Variants in UBR4 observed in about 807,000 individuals in gnomAD.
UBR4 encodes the protein ubiquitin protein ligase E3 component n-recognin 4.
Under a neutral mutation model 575.6 loss-of-function variants are expected in UBR4, and 124 were observed. The ratio of observed to expected loss-of-function variants is 0.22; its 90% CI spans 0.19 to 0.25. UBR4 has a LOEUF of 0.25. Ranked by LOEUF, UBR4 falls within the 10% of genes least tolerant of loss-of-function variation. The pLI, the probability that UBR4 is intolerant of heterozygous loss-of-function variation, is 1.00. For missense variants in UBR4, 4,818 were observed against 6,478.8 expected, an observed-to-expected ratio of 0.74 and a Z score of 8.80; for synonymous variants, 2,455 against 2,473.7, an observed-to-expected ratio of 0.99 and a Z score of 0.22.
At position 19,162,021 on chromosome 1, in the gene UBR4, T is replaced by C. The variant is rs551789516; in HGVS notation, c.4957-124A>G. 1.3e-5 allele frequency: 14 copies of C among 1,089,534 alleles called. No individual in the cohort carries two copies. In the East Asian group the frequency reaches 2.6e-4, roughly 20 times the overall value. 67.5% of individuals were successfully genotyped at this position (1,089,534 alleles called of 1,614,324 possible). A position where few individuals can be genotyped will look rare whatever the true frequency, so the allele number is the denominator to read the frequency against. ...TTGACTCGCAAATGACCCGTGGAAA[T>C]CTACCACAACTGGAAATAGCTAGCT... On this transcript the variant is annotated intron_variant, in intron 35 of 105. Coordinates refer to ENST00000375254, the MANE Select transcript of UBR4 (RefSeq NM_020765.3).
At position 19,094,106 on chromosome 1, in the gene UBR4, G is replaced by A; in HGVS notation, c.13780C>T (p.Leu4594=). ...TTGATCTGGTCCAAGAGCATCACCA[G>A]TTGATCCTTGTCACCTGTCAGGAGG... ...NLLLTGDKDQ[L]VMLLDQINST... The change falls in exon 95 of 106, where the codon CTG becomes TTG. Residue 4594 remains leucine, a synonymous_variant. Transcript: ENST00000375254. The A allele has an allele frequency of 6.2e-7, 1 of 1,613,952 alleles. No individual in the cohort carries two copies. Among genetic ancestry groups the A allele is most frequent in the South Asian group, 1.1e-5 (1 of 90,998 alleles).
chr1:19,168,259 T>C (rs891781395), intron 27 of UBR4, 75 bp from the exon 28 acceptor site: 1 of 1,376,634 alleles, frequency 7.3e-7, no homozygotes, highest in Non-Finnish European at 9.8e-7. Flanking sequence ...AAAAAAAAAC[T>C]GACATAAACT....
chr1:19,099,897 C>A lies in UBR4; in HGVS notation c.13222-220G>T, dbSNP rs368273867. On this transcript the variant is annotated intron_variant, in intron 89 of 105. Coordinates refer to ENST00000375254, the MANE Select transcript of UBR4 (RefSeq NM_020765.3). ...CTAACGTCCCTAACCCACACACAGGCTCCAGCTTAGACACACCCACCGGGG... is the reference window on the plus strand; with the variant it reads ...CTAACGTCCCTAACCCACACACAGGATCCAGCTTAGACACACCCACCGGGG... Among the ~76,000 whole-genome samples the A allele has an allele frequency of 5.3e-5, 8 of 152,244 alleles. No individual in the cohort carries two copies. In the East Asian group the frequency reaches 9.6e-4, roughly 18 times the overall value.
At chr1:19,116,301 A>G (rs1018891257) in intron 73 of UBR4, among the ~76,000 whole-genome samples, 1 of 152,220 alleles carries the variant, frequency 6.6e-6, no homozygotes, top group Non-Finnish European at 1.5e-5. Flanking sequence ...CAGAGCTGGG[A>G]TCTGAACCCA....
At chr1:19,116,109 A>G (rs2080496294) in intron 73 of UBR4, among the ~76,000 whole-genome samples, 1 of 152,218 alleles carries the variant, frequency 6.6e-6, no homozygotes, top group African/African-American at 2.4e-5. Flanking sequence ...TTTTGGGGTG[A>G]TTATATAACA....
At position 19,153,357 on chromosome 1, in the gene UBR4, G is replaced by A. The variant is rs1364329550; in HGVS notation, c.6776C>T (p.Pro2259Leu). 1 of 1,614,016 alleles carries A rather than the reference G, an allele frequency of 6.2e-7. No homozygotes were observed. The highest frequency in any genetic ancestry group is 8.5e-7 in the Non-Finnish European group (1 of 1,180,018). ...TSYWLQPSLQ[P>L]SSVISIMKPV... ...CTTCATGATGCTGATGACACTGCTG[G>A]GCTGCAGGGATGGCTGCAGCCAGTA... The change falls in exon 46 of 106, where the codon CCC becomes CTC. Residue 2259 changes from proline (P) to leucine (L), a missense_variant. Pro to Leu is a moderately conservative substitution (Grantham distance 98). Transcript: ENST00000375254. The surrounding 1 kb of genome is among the most constrained non-coding windows in gnomAD (Gnocchi z 4.1).
At chr1:19,175,090 G>A (rs550333353) in intron 20 of UBR4, 57 bp from the exon 21 acceptor site, 2 of 1,459,290 alleles carry the variant, frequency 1.4e-6, no homozygotes, top group South Asian at 2.4e-5. Flanking sequence ...TATCTGACTA[G>A]TATGCAATGT....
rs141794914 is a variant in UBR4, at chr1:19,154,955, G to C, written c.6421C>G (p.Leu2141Val). ...SFAATISRTT[L>V]EVLQLFPINI... Reference sequence around the variant, plus strand: ...ATGGGGAAGAGTTGCAACACCTCCAGGGTTGTCCTGCTGATGGTGGCTGCG... The same window carrying C: ...ATGGGGAAGAGTTGCAACACCTCCACGGTTGTCCTGCTGATGGTGGCTGCG... The change falls in exon 44 of 106, where the codon CTG becomes GTG. Residue 2141 changes from leucine to valine, a missense_variant. By Grantham distance (32) the Leu-to-Val change is conservative (BLOSUM62 1). Around this residue, in one of 29 missense-constraint regions of UBR4, gnomAD observed 461 missense variants for 606.9 expected, o/e 0.76. Transcript: ENST00000375254. The C allele has an allele frequency of 1.4e-4, 224 of 1,614,154 alleles. No individual in the cohort carries two copies. The highest frequency in any genetic ancestry group is 2.7e-4 in the Admixed American group (16 of 60,018).
At chr1:19,179,541 G>C (rs191429161) in intron 17 of UBR4, among the ~76,000 whole-genome samples, 147 of 152,336 alleles carry the variant, frequency 9.6e-4, no homozygotes, top group Non-Finnish European at 1.9e-3. Flanking sequence ...AACATGAGAA[G>C]TTGTTGCCTT....
In UBR4 at chr1:19,114,030, C is replaced by T. The variant is rs368172724; in HGVS notation, c.11243G>A (p.Arg3748Gln). ...GTGTCCCATCAGCTGATGATACACT[C>T]GATCAGCTTTGTCCAAAAGTGTATT... ...NINTLLDKADRVYHQLMGHRP... is the reference protein window; with the variant it reads ...NINTLLDKADQVYHQLMGHRP... The change falls in exon 76 of 106, where the codon CGA (arginine) becomes CAA (glutamine). Residue 3748 changes from arginine to glutamine, a missense_variant. Arg to Gln is a conservative substitution (Grantham distance 43, BLOSUM62 1). Transcript: ENST00000375254. 1.7e-5 allele frequency: 27 copies of T among 1,614,036 alleles called. No individual in the cohort carries two copies. Among genetic ancestry groups the T allele is most frequent in the Middle Eastern group, 1.6e-4 (1 of 6,078 alleles).
chr1:19,184,074 T>C lies in UBR4; in HGVS notation c.2040A>G (p.Glu680=), dbSNP rs2091289955. 6.2e-7 allele frequency: 1 copy of C among 1,614,154 alleles called. No homozygotes were observed. The highest frequency in any genetic ancestry group is 8.5e-7 in the Non-Finnish European group (1 of 1,180,022). The change falls in exon 16 of 106, where the codon GAA becomes GAG. Residue 680 remains glutamate (E), a synonymous_variant. Transcript: ENST00000375254. ...TACTGGCTAGGGTGGCCATATGGTGTTCTGAAAGAGATACACTCAGATAGT... is the reference window on the plus strand; with the variant it reads ...TACTGGCTAGGGTGGCCATATGGTGCTCTGAAAGAGATACACTCAGATAGT... The part of the protein sequence containing the change: ...IRNYLSVSLS[E]HHMATLASII...
intron 102 of UBR4, 48 bp from the exon 103 acceptor site, chr1:19,081,621 C>G (rs746705218): frequency 6.2e-7 from 1 of 1,600,958 alleles, no homozygotes; most frequent in South Asian, 1.1e-5. Flanking sequence ...GGAAGCAGGA[C>G]CCGGCAGCAA....
At chr1:19,104,317 T>C in intron 86 of UBR4, 60 bp from the exon 87 acceptor site, 2 of 1,584,240 alleles carry the variant, frequency 1.3e-6, no homozygotes, top group Non-Finnish European at 8.6e-7. Context: ...GGACAGTCTG[T>C]GTCTCAAAAG....
intron 97 of UBR4, among the ~76,000 whole-genome samples, chr1:19,092,101 G>C (rs1393101025): frequency 2.6e-5 from 4 of 152,272 alleles, no homozygotes; most frequent in African/African-American, 7.2e-5. Context: ...TGTGGCAGGG[G>C]AGCAGGGGAA....
chr1:19,141,910 C>T (rs1311004287), intron 55 of UBR4, 133 bp from the exon 56 acceptor site: 19 of 1,294,470 alleles, frequency 1.5e-5, no homozygotes, highest in East Asian at 4.7e-5. Flanking sequence ...GGGAGAACTC[C>T]GGGGTGCTAT....
At position 19,167,975 on chromosome 1, in the gene UBR4, C is replaced by A. The variant is rs2088806077; in HGVS notation, c.3899+52G>T. The A allele has an allele frequency of 4.7e-6, 7 of 1,485,170 alleles. No homozygotes were observed. In the East Asian group the frequency reaches 1.4e-4, roughly 30 times the overall value. 92.0% of individuals were successfully genotyped at this position (1,485,170 alleles called of 1,614,324 possible). Reference sequence around the variant, plus strand: ...TAAAACTCTCACTGTCCCTCTTTAACCACAATAGAATACAGACATAGAGTC... The same window carrying A: ...TAAAACTCTCACTGTCCCTCTTTAAACACAATAGAATACAGACATAGAGTC... On this transcript the variant is annotated intron_variant, in intron 28 of 105. Coordinates refer to ENST00000375254, the MANE Select transcript of UBR4 (RefSeq NM_020765.3).
chr1:19,165,446 G>A (rs1016629217), intron 30 of UBR4, 97 bp from the exon 31 acceptor site: 11 of 1,169,118 alleles, frequency 9.4e-6, no homozygotes, highest in Non-Finnish European at 1.4e-5. Context: ...TGGGGAAAAT[G>A]ACCACTTATG....
chr1:19,086,462 G>C (rs2077027395), intron 100 of UBR4, among the ~76,000 whole-genome samples, 192 bp from the exon 101 acceptor site: 1 of 152,236 alleles, frequency 6.6e-6, no homozygotes. Context: ...TGCTGACTCA[G>C]GTAGGCAGGG....
intron 102 of UBR4, 119 bp from the exon 103 acceptor site, chr1:19,081,692 ACT>A (rs761948013): frequency 3.4e-5 from 37 of 1,087,874 alleles, no homozygotes; most frequent in Non-Finnish European, 4.7e-5. Flanking sequence ...CGCTTGGATG[ACT>A]CAACACTCCC....
Sources: gnomAD v4.1 joint callset for allele counts (sites outside exome capture counted in the v4.1 genomes callset) on GRCh38, gnomAD v4.1.1 for gene constraint, gnomAD v4.1.1 regional missense constraint, Gnocchi (gnomAD v3.1) non-coding constraint, MANE v1.5 for transcripts, NCBI Gene and HGNC (gene_info 2026-07-23, HGNC 2026-07-21) for gene names.